The following FBN2 variants were observed in gnomAD, a reference collection of about 807,000 sequenced individuals.
FBN2 encodes the protein fibrillin 2, also known as fibrillin-2.
In FBN2, 105 loss-of-function variants were observed where a neutral mutation model predicts 355.6. The observed-to-expected ratio is 0.30, with a 90% CI of 0.25 to 0.35. The LOEUF is 0.35. Ranked by LOEUF, FBN2 falls within the 10% of genes least tolerant of loss-of-function variation. The pLI is 1.00. For missense variants in FBN2, 3,280 were observed against 3,758.7 expected (o/e 0.87, Z 3.33); for synonymous variants, 1,350 against 1,301.2 (o/e 1.04, Z -0.81).
chr5:128,274,558 T>C lies in FBN2; in HGVS notation c.7711+9A>G, dbSNP rs768035951. 1.3e-6 allele frequency: 2 copies of C among 1,507,088 alleles called. No homozygotes were observed. Among genetic ancestry groups the C allele is most frequent in the Non-Finnish European group, 1.8e-6 (2 of 1,082,570 alleles). 93.4% of individuals were successfully genotyped at this position (1,507,088 alleles called of 1,614,324 possible). Reference sequence around the variant, plus strand: ...TTTGTAAAATTTCCCATTTGTAACTTTGTCTTACCGATACAAGCAGTGTGA... The same window carrying C: ...TTTGTAAAATTTCCCATTTGTAACTCTGTCTTACCGATACAAGCAGTGTGA... On this transcript the variant is annotated intron_variant, in intron 60 of 64. Transcript: ENST00000262464.
intron 13 of FBN2, 36 bp from the exon 14 acceptor site, chr5:128,376,889 C>G (rs764859063): frequency 3.7e-6 from 6 of 1,610,544 alleles, no homozygotes; most frequent in Non-Finnish European, 5.1e-6. Context: ...GAACACTGGC[C>G]TTGAGGGAAC....
At chr5:128,380,383 G>C (rs1340399431) in intron 11 of FBN2, among the ~76,000 whole-genome samples, 1 of 152,032 alleles carries the variant, frequency 6.6e-6, no homozygotes, top group Non-Finnish European at 1.5e-5. Flanking sequence ...ATAAAGCTCT[G>C]TTTGAAGAAC....
Position 128,457,592 on chromosome 5 carries a change from A to G in FBN2, c.826+7132T>C, listed in dbSNP as rs1409051871. ...CCTTCAAAGGGAAGCACATCAGACT[A>G]ACAGTGGACCTCTCAGCAGAAACTC... On this transcript the variant is annotated intron_variant, in intron 6 of 64. Coordinates refer to ENST00000262464, the MANE Select transcript of FBN2 (RefSeq NM_001999.4). Among the ~76,000 whole-genome samples, 3 of 152,234 alleles carry G rather than the reference A, an allele frequency of 2.0e-5. No individual in the cohort carries two copies. In the South Asian group the frequency reaches 6.2e-4, roughly 32 times the overall value.
At chr5:128,495,663 TAAAATAG>T (rs1486077643) in intron 5 of FBN2, among the ~76,000 whole-genome samples, 1 of 151,952 alleles carries the variant, frequency 6.6e-6, no homozygotes, top group African/African-American at 2.4e-5. Flanking sequence ...AAGGTACTAA[TAAAATAG>T]AAAATAGAAA....
chr5:128,388,123 T>C lies in FBN2; in HGVS notation c.1603+3895A>G, dbSNP rs952156503. On this transcript the variant is annotated intron_variant, in intron 11 of 64. Transcript: ENST00000262464. Reference sequence around the variant, plus strand: ...CCTTCTTTGTCTTTTTTGATCATTGTTGGTTTAAAGTCTGTTTTGTCTTAA... The same window carrying C: ...CCTTCTTTGTCTTTTTTGATCATTGCTGGTTTAAAGTCTGTTTTGTCTTAA... Among the ~76,000 whole-genome samples the C allele has an allele frequency of 1.8e-4, 28 of 152,334 alleles. No individual in the cohort carries two copies. The South Asian group carries it at 5.8e-3, about 32-fold the overall frequency.
intron 7 of FBN2, among the ~76,000 whole-genome samples, chr5:128,437,515 G>A (rs182531953): frequency 3.7e-4 from 56 of 152,208 alleles, no homozygotes; most frequent in African/African-American, 1.2e-3. Flanking sequence ...ACAAAGTGAT[G>A]GTTATATGGG....
At chr5:128,448,970 C>A (rs924958800) in intron 6 of FBN2, among the ~76,000 whole-genome samples, 2 of 151,798 alleles carry the variant, frequency 1.3e-5, no homozygotes, top group African/African-American at 4.8e-5. Context: ...ATTCACGAAG[C>A]ATTAATAAAG....
intron 41 of FBN2, 31 bp downstream of exon 41, chr5:128,309,216 C>CA: frequency 6.2e-7 from 1 of 1,611,348 alleles, no homozygotes. Flanking sequence ...ACTGATGTGG[C>CA]AGTCAGCAGA....
chr5:128,366,483 T>C, intron 16 of FBN2, 53 bp from the exon 17 acceptor site: 3 of 1,079,660 alleles, frequency 2.8e-6, no homozygotes, highest in Non-Finnish European at 1.4e-6. Context: ...ACCTATTCCA[T>C]ATACAAGTCA....
chr5:128,533,126 G>A (rs973083743), intron 2 of FBN2, among the ~76,000 whole-genome samples: 2 of 152,198 alleles, frequency 1.3e-5, no homozygotes, highest in Non-Finnish European at 2.9e-5. Context: ...TTCCTGCCAT[G>A]GAGTTGACTC....
chr5:128,492,497 C>G (rs1052376500), intron 5 of FBN2, among the ~76,000 whole-genome samples: 2 of 152,136 alleles, frequency 1.3e-5, no homozygotes, highest in South Asian at 4.1e-4. Context: ...CAGGGTCAAA[C>G]TTTTGTTAAA....
At chr5:128,264,141 A>G (rs1305424114) in intron 62 of FBN2, among the ~76,000 whole-genome samples, 1 of 152,212 alleles carries the variant, frequency 6.6e-6, no homozygotes, top group Non-Finnish European at 1.5e-5. Flanking sequence ...GAGAATCTAC[A>G]AAACCCATTT....
At chr5:128,424,212 TA>T (rs1753427012) in intron 7 of FBN2, among the ~76,000 whole-genome samples, 1 of 152,052 alleles carries the variant, frequency 6.6e-6, no homozygotes, top group Non-Finnish European at 1.5e-5. Context: ...GCCAACTGCT[TA>T]TAGATGATTG....
intron 15 of FBN2, among the ~76,000 whole-genome samples, chr5:128,374,371 C>G (rs1385747246): frequency 2.0e-5 from 3 of 152,108 alleles, no homozygotes; most frequent in Non-Finnish European, 4.4e-5. Flanking sequence ...CCACCACCCC[C>G]ATCCTCTCTG....
In FBN2 at chr5:128,537,652, C is replaced by G; in HGVS notation, c.-49G>C. On this transcript the variant is annotated 5_prime_UTR_variant, in exon 1 of 65. Transcript: ENST00000262464. ...CGTAGACCCGCGGAGAGGGAGTGAT[C>G]AAAGACAAAATCTGCGCGCCTCAGA... 1 of 1,574,198 alleles carries G rather than the reference C, an allele frequency of 6.4e-7. No individual in the cohort carries two copies. The highest frequency in any genetic ancestry group is 8.7e-7 in the Non-Finnish European group (1 of 1,155,200).
intron 64 of FBN2, among the ~76,000 whole-genome samples, chr5:128,260,381 C>G (rs1436390560): frequency 6.6e-6 from 1 of 152,134 alleles, no homozygotes; most frequent in Non-Finnish European, 1.5e-5. Context: ...GGCTCCAGTT[C>G]AAACCAGCAT....
chr5:128,301,049 T>C (rs1749701783), intron 47 of FBN2, 113 bp from the exon 48 acceptor site: 1 of 925,308 alleles, frequency 1.1e-6, no homozygotes, highest in South Asian at 1.4e-5. Context: ...TCTGATCTAC[T>C]GGGTCACCAT....
At chr5:128,537,216 T>C (rs1756874794) in intron 1 of FBN2, 134 bp downstream of exon 1, 1 of 1,429,290 alleles carries the variant, frequency 7.0e-7, no homozygotes, top group Non-Finnish European at 9.3e-7. Context: ...TCTTTGGATA[T>C]TCTGGCAAAG....
intron 12 of FBN2, 52 bp from the exon 13 acceptor site, chr5:128,377,929 A>G (rs1405532008): frequency 1.3e-6 from 2 of 1,505,080 alleles, no homozygotes; most frequent in Non-Finnish European, 1.8e-6. Flanking sequence ...ACTTATAGAT[A>G]AACACAGTAA....
Sources: gnomAD v4.1 joint callset for allele counts (sites outside exome capture counted in the v4.1 genomes callset) on GRCh38, gnomAD v4.1.1 for gene constraint, MANE v1.5 for transcripts, NCBI Gene and HGNC (gene_info 2026-07-23, HGNC 2026-07-21) for gene names.